The following TRIM43 variants were observed in gnomAD, a reference collection of about 807,000 sequenced individuals.
TRIM43 encodes tripartite motif containing 43, also known as tripartite motif-containing protein 43.
A neutral mutation model predicts 27.7 loss-of-function variants in TRIM43; 12 were observed. That is an observed-to-expected ratio of 0.43 (90% CI 0.28 to 0.70). TRIM43 has a LOEUF of 0.70. TRIM43 is among the 30% of genes least tolerant of loss of function. TRIM43 has a pLI of 0.17. For synonymous variants in TRIM43, 64 were observed against 121.9 expected (o/e 0.52, Z 3.13); for missense variants, 186 against 356.5 (o/e 0.52, Z 3.85).
chr2:95,599,110 T>G lies in TRIM43; in HGVS notation c.878T>G (p.Phe293Cys). The change falls in exon 7 of 7, where the codon TTT becomes TGT. Residue 293 changes from phenylalanine (F) to cysteine (C), a missense_variant. Physicochemically the swap from Phe to Cys is radical, Grantham distance 205 (BLOSUM62 -2). Transcript: ENST00000272395. ...NRFRVEISFHFEVTNHNIRLF... is the reference protein window; with the variant it reads ...NRFRVEISFHCEVTNHNIRLF... ...TCTACAGTGGAAATTTCCTTCCATT[T>G]TGAAGTAACCAATCACAATATCAGG... 1 of 37,322 alleles carries G rather than the reference T, an allele frequency of 2.7e-5. No individual in the cohort carries two copies. Among genetic ancestry groups the G allele is most frequent in the Non-Finnish European group, 4.3e-5 (1 of 23,334 alleles). 2.3% of individuals were successfully genotyped at this position (37,322 alleles called of 1,614,324 possible).
intron 4 of TRIM43, 23 bp downstream of exon 4, chr2:95,596,455 G>T: frequency 6.4e-7 from 1 of 1,567,682 alleles, no homozygotes; most frequent in Non-Finnish European, 8.7e-7. Flanking sequence ...GATGCCCCTT[G>T]AGACACTTTG....
rs71427041 is a variant in TRIM43, at chr2:95,593,844, G to A, written c.-4-176G>A. Among the ~76,000 whole-genome samples the A allele has an allele frequency of 8.6e-5, 13 of 151,782 alleles. 1 individual carries two copies. The highest frequency in any genetic ancestry group is 7.3e-5 in the African/African-American group (3 of 41,276). On this transcript the variant is annotated intron_variant, in intron 1 of 6. Coordinates refer to ENST00000272395, the MANE Select transcript of TRIM43 (RefSeq NM_138800.3). The stretch of plus-strand genomic sequence containing the variant: ...TGGAGAACAGTCACTTTTTATAGAG[G>A]TTGATGTCTCTTTGTGCCTTAGTTT...
At chr2:95,592,300 A>C (rs1158271373) in intron 1 of TRIM43, among the ~76,000 whole-genome samples, 151 bp downstream of exon 1, 2 of 151,822 alleles carry the variant, frequency 1.3e-5, no homozygotes, top group African/African-American at 4.8e-5. Context: ...TTTCTTTTTT[A>C]AAATTATTTT....
At position 95,594,084 on chromosome 2, in the gene TRIM43, T is replaced by G; in HGVS notation, c.61T>G (p.Tyr21Asp). The change falls in exon 2 of 7, where the codon TAC becomes GAC. Residue 21 changes from tyrosine (Y) to aspartate (D), a missense_variant. By Grantham distance (160) the Tyr-to-Asp change is radical. Around this residue, in one of 6 missense-constraint regions of TRIM43, gnomAD observed 41 missense variants for 46.1 expected, o/e 0.89. Transcript: ENST00000272395. ...ACTCACCTGCGTCATCTGTTTGAAC[T>G]ACCTGGTAGACCCTGTCACCATCTG... ...KELTCVICLN[Y>D]LVDPVTICCG... is the part of the protein sequence containing the mutation. The G allele has an allele frequency of 6.2e-7, 1 of 1,613,142 alleles. No homozygotes were observed. Among genetic ancestry groups the G allele is most frequent in the Non-Finnish European group, 8.5e-7 (1 of 1,179,674 alleles).
At chr2:95,593,185 C>T (rs1331390689) in intron 1 of TRIM43, among the ~76,000 whole-genome samples, 3 of 151,940 alleles carry the variant, frequency 2.0e-5, no homozygotes, top group Non-Finnish European at 4.4e-5. Context: ...GGATTACAGG[C>T]GTGAGCCACC....
At chr2:95,592,504 A>T (rs1005593333) in intron 1 of TRIM43, among the ~76,000 whole-genome samples, 10 of 150,998 alleles carry the variant, frequency 6.6e-5, no homozygotes, top group Non-Finnish European at 1.0e-4. Context: ...GAGTAGCTGG[A>T]AATATAGCCG....
intron 1 of TRIM43, 138 bp from the exon 2 acceptor site, chr2:95,593,882 A>T (rs1685303164): frequency 6.7e-7 from 1 of 1,486,170 alleles, no homozygotes. Flanking sequence ...TGTTTTTCCT[A>T]TTTCTGTCAT....
Position 95,599,744 on chromosome 2 carries a change from A to C in TRIM43, c.*171A>C. 1.6e-6 allele frequency: 1 copy of C among 610,644 alleles called. No individual in the cohort carries two copies. Among genetic ancestry groups the C allele is most frequent in the Non-Finnish European group, 2.9e-6 (1 of 345,122 alleles). 37.8% of individuals were successfully genotyped at this position (610,644 alleles called of 1,614,324 possible). ...CAAAACTTTTTGTACATTTTCTTAC[A>C]ATTAAAATAATCTCTTATGGACCAT... On this transcript the variant is annotated 3_prime_UTR_variant, in exon 7 of 7. Transcript: ENST00000272395.
rs1276322244 is a variant in TRIM43, at chr2:95,596,238, G to C, written c.544G>C (p.Glu182Gln). 4 of 1,610,836 alleles carry C rather than the reference G, an allele frequency of 2.5e-6. No individual in the cohort carries two copies. In the African/African-American group the frequency reaches 5.4e-5, roughly 22 times the overall value. Residue 182 changes from glutamate to glutamine, a missense_variant, in exon 4 of 7, where the codon GAG (glutamate) becomes CAG (glutamine). This residue lies in a region of TRIM43 where 91 missense variants were observed against 119.3 expected (regional missense o/e 0.76). Coordinates refer to ENST00000272395, the MANE Select transcript of TRIM43 (RefSeq NM_138800.3). ...VVLRAQMIRN[E>Q]YRKLHPVLHK... is the part of the protein sequence containing the mutation. The stretch of plus-strand genomic sequence containing the variant: ...TTTACGGGCACAGATGATCAGGAAT[G>C]AGTATAGGAAGCTGCATCCGGTTCT...
intron 3 of TRIM43, 72 bp downstream of exon 3, chr2:95,595,217 T>G: frequency 9.5e-7 from 1 of 1,047,174 alleles, no homozygotes; most frequent in Non-Finnish European, 1.4e-6. Flanking sequence ...ATTAGCAACT[T>G]GAGTTGAAAT....
chr2:95,594,373 A>C lies in TRIM43; in HGVS notation c.350A>C (p.Asn117Thr). The C allele has an allele frequency of 6.2e-7, 1 of 1,610,638 alleles. No individual in the cohort carries two copies. Among genetic ancestry groups the C allele is most frequent in the Non-Finnish European group, 8.5e-7 (1 of 1,179,494 alleles). Residue 117 changes from asparagine to threonine, a missense_variant, in exon 2 of 7, where the codon AAC becomes ACC. Coordinates refer to ENST00000272395, the MANE Select transcript of TRIM43 (RefSeq NM_138800.3). ...DKSLLCLLCS[N>T]SQEHGAHKHH... Reference sequence around the variant, plus strand: ...AGTCTCCTCTGCTTGCTGTGCTCCAACTCTCAGGAGCACGGGGCTCACAAA... The same window carrying C: ...AGTCTCCTCTGCTTGCTGTGCTCCACCTCTCAGGAGCACGGGGCTCACAAA...
intron 1 of TRIM43, among the ~76,000 whole-genome samples, chr2:95,592,467 C>T (rs1281671062): frequency 2.6e-5 from 4 of 151,658 alleles, no homozygotes; most frequent in African/African-American, 9.7e-5. Context: ...CTTCCAGGTT[C>T]AAACGATTCT....
In TRIM43 at chr2:95,595,118, G is replaced by A. The variant is rs770355473; in HGVS notation, c.480G>A (p.Glu160=). 10 of 1,612,194 alleles carry A rather than the reference G, an allele frequency of 6.2e-6. No individual in the cohort carries two copies. The South Asian group carries it at 9.9e-5, about 16-fold the overall frequency. ...KIQENQRNLY[E]EGRTAFLWRG... ...AAGAAAATCAGAGAAATCTATATGA[G>A]GAGGGAAGAACAGCCTTCCTCTGGA... The change falls in exon 3 of 7, where the codon GAG becomes GAA. Residue 160 remains glutamate (E), a synonymous_variant. Transcript: ENST00000272395.
rs768129087 is a variant in TRIM43 at position 95,594,115 on chromosome 2, G to A, written c.92G>A (p.Gly31Glu). 4 of 1,612,808 alleles carry A rather than the reference G, an allele frequency of 2.5e-6. No individual in the cohort carries two copies. The South Asian group carries it at 4.4e-5, about 18-fold the overall frequency. The stretch of plus-strand genomic sequence containing the variant: ...GTAGACCCTGTCACCATCTGCTGTG[G>A]GCACAGCTTCTGTAGGCCCTGTCTC... ...YLVDPVTICC[G>E]HSFCRPCLCL... is the part of the protein sequence containing the mutation. Residue 31 changes from glycine (G) to glutamate (E), a missense_variant, in exon 2 of 7, where the codon GGG becomes GAG. This residue lies in a region of TRIM43 where 41 missense variants were observed against 46.1 expected (regional missense o/e 0.89). Transcript: ENST00000272395.
chr2:95,595,073 G>A lies in TRIM43; in HGVS notation c.435G>A (p.Arg145=), dbSNP rs1661529354. The A allele has an allele frequency of 1.9e-6, 3 of 1,611,228 alleles. No individual in the cohort carries two copies. The highest frequency in any genetic ancestry group is 3.3e-5 in the Admixed American group (2 of 59,758). Residue 145 remains arginine (R), a synonymous_variant, in exon 3 of 7, where the codon AGG becomes AGA. Coordinates refer to ENST00000272395, the MANE Select transcript of TRIM43 (RefSeq NM_138800.3). The part of the protein sequence containing the change: ...EHREKLLKQM[R]ILWKKIQENQ... ...AGGAGAAACTCTTAAAGCAAATGAG[G>A]ATTTTATGGAAAAAGATTCAAGAAA...
rs563167976 is a variant in TRIM43, at chr2:95,595,568, C to T, written c.507+423C>T. On this transcript the variant is annotated intron_variant, in intron 3 of 6. Transcript: ENST00000272395. ...CTGATAGCAAAGGACCCACATGATG[C>T]CAGTCCGAGTAGGAGAAAATGCAAC... Among the ~76,000 whole-genome samples the T allele has an allele frequency of 3.5e-3, 526 of 150,384 alleles. 13 individuals are homozygous for T. The highest frequency in any genetic ancestry group is 0.012 in the African/African-American group (509 of 41,030).
intron 1 of TRIM43, among the ~76,000 whole-genome samples, chr2:95,593,363 C>G (rs1334728521): frequency 6.6e-6 from 1 of 151,382 alleles, no homozygotes; most frequent in African/African-American, 2.4e-5. Flanking sequence ...ACAGACTGTC[C>G]AGGAACAGTA....
Position 95,595,083 on chromosome 2 carries a change from A to G in TRIM43, c.445A>G (p.Lys149Glu), listed in dbSNP as rs1042901408. ...KLLKQMRILW[K>E]KIQENQRNLY... ...CTTAAAGCAAATGAGGATTTTATGG[A>G]AAAAGATTCAAGAAAATCAGAGAAA... The change falls in exon 3 of 7, where the codon AAA becomes GAA. Residue 149 changes from lysine to glutamate, a missense_variant. Lys to Glu is a moderately conservative substitution (Grantham distance 56, BLOSUM62 1). Transcript: ENST00000272395. 5 of 1,611,780 alleles carry G rather than the reference A, an allele frequency of 3.1e-6. No individual in the cohort carries two copies. Among genetic ancestry groups the G allele is most frequent in the Admixed American group, 3.3e-5 (2 of 59,880 alleles).
intron 3 of TRIM43, 43 bp from the exon 4 acceptor site, chr2:95,596,159 A>G: frequency 1.2e-6 from 2 of 1,600,808 alleles, no homozygotes; most frequent in Non-Finnish European, 1.7e-6. Context: ...GTGAGGTGGA[A>G]GTAGGCCTGG....
Sources: gnomAD v4.1 joint callset for allele counts (sites outside exome capture counted in the v4.1 genomes callset) on GRCh38, gnomAD v4.1.1 for gene constraint, gnomAD v4.1.1 regional missense constraint, MANE v1.5 for transcripts, NCBI Gene and HGNC (gene_info 2026-07-23, HGNC 2026-07-21) for gene names.